Variants in RNF166 observed in about 807,000 individuals in gnomAD.
The protein encoded by RNF166 is ring finger protein 166, also known as E3 ubiquitin-protein ligase RNF166.
A neutral mutation model predicts 29.4 loss-of-function variants in RNF166; 19 were observed. The ratio of observed to expected loss-of-function variants is 0.65; its 90% CI spans 0.45 to 0.95. The LOEUF is 0.95. RNF166 is among the 40% of genes least tolerant of loss of function. The pLI, the probability that RNF166 is intolerant of heterozygous loss-of-function variation, is 0.00. For synonymous variants in RNF166, 171 were observed against 134.5 expected (o/e 1.27, Z -1.88); for missense variants, 347 against 322.1 (o/e 1.08, Z -0.59).
intron 1 of RNF166, 35 bp from the exon 2 acceptor site, chr16:88,701,453 C>G (rs2306048): frequency 0.58 from 883,349 of 1,511,892 alleles, 261,077 homozygotes; most frequent in Non-Finnish European, 0.61. Flanking sequence ...CCAGCCCGCC[C>G]CTCGGGTCTC....
intron 2 of RNF166, chr16:88,699,990 A>G (rs2142640469): frequency 6.2e-6 from 2 of 321,424 alleles, no homozygotes; most frequent in African/African-American, 2.2e-5. Context: ...AGCGGGAAAC[A>G]GGTAAGGAGA....
In RNF166 at chr16:88,699,131, G is replaced by A. The variant is rs190718096; in HGVS notation, c.426-46C>T. 1.6e-4 allele frequency: 201 copies of A among 1,294,838 alleles called. 1 individual carries two copies. The African/African-American group carries it at 2.5e-3, about 16-fold the overall frequency. 80.2% of individuals were successfully genotyped at this position (1,294,838 alleles called of 1,614,324 possible). On this transcript the variant is annotated intron_variant, in intron 3 of 5. Transcript: ENST00000312838. ...TGAGTGGCACGGCTAGGTGTCTAGGGGCTCTGCCTCCCCGCTTCTCTCAAA... is the reference window on the plus strand; with the variant it reads ...TGAGTGGCACGGCTAGGTGTCTAGGAGCTCTGCCTCCCCGCTTCTCTCAAA...
intron 1 of RNF166, chr16:88,703,224 G>A (rs1284741068): frequency 2.0e-6 from 2 of 975,932 alleles, no homozygotes; most frequent in Non-Finnish European, 2.4e-6. Context: ...TCTTTCTGGA[G>A]TGGGAAGAAT....
chr16:88,701,759 G>A (rs1322832694), intron 1 of RNF166: 4 of 278,596 alleles, frequency 1.4e-5, no homozygotes, highest in African/African-American at 8.8e-5. Flanking sequence ...CGTTCACGTG[G>A]CGACAACACC....
chr16:88,703,740 A>C (rs955729615), intron 1 of RNF166: 2 of 985,434 alleles, frequency 2.0e-6, no homozygotes, highest in Non-Finnish European at 2.4e-6. Context: ...AGCCTTACAA[A>C]GGGAGGGGCG....
chr16:88,697,803 G>A (rs1190787499), intron 5 of RNF166, 170 bp from the exon 6 acceptor site: 2 of 591,832 alleles, frequency 3.4e-6, no homozygotes, highest in East Asian at 5.8e-5. Context: ...CGGTCCTCTG[G>A]GGGGTGAGAA....
chr16:88,699,701 G>T lies in RNF166; in HGVS notation c.344C>A (p.Ser115Ter). 1 of 1,613,250 alleles carries T rather than the reference G, an allele frequency of 6.2e-7. No homozygotes were observed. The highest frequency in any genetic ancestry group is 1.3e-5 in the African/African-American group (1 of 75,058). Residue 115 changes from serine (S) to a stop codon, truncating the protein, a stop_gained, in exon 3 of 6, where the codon TCG becomes TAG. Transcript: ENST00000312838. LOFTEE classifies it high-confidence loss of function. ...VTLAKMRVHI[S>*]SCLKVQEQMA... Reference sequence around the variant, plus strand: ...CTGCTCCTGGACCTTCAGGCAGGACGAAATGTGCACTCTCATCTTTGCCAG... The same window carrying T: ...CTGCTCCTGGACCTTCAGGCAGGACTAAATGTGCACTCTCATCTTTGCCAG...
rs373944014 is a variant in RNF166, at chr16:88,699,781, G to A, written c.313-49C>T. 1.2e-4 allele frequency: 179 copies of A among 1,442,576 alleles called. 5 individuals are homozygous for A. Among genetic ancestry groups the A allele is most frequent in the South Asian group, 1.2e-3 (101 of 83,338 alleles). 89.4% of individuals were successfully genotyped at this position (1,442,576 alleles called of 1,614,324 possible). ...AAGGCGGTCCTGAGAATCTGGAAGG[G>A]CCGTCCTGGGGAGGCCGAGACCTCA... is the stretch of plus-strand genomic sequence containing the variant. On this transcript the variant is annotated intron_variant, in intron 2 of 5. Transcript: ENST00000312838.
At chr16:88,704,459 C>A in intron 1 of RNF166, 1 of 985,396 alleles carries the variant, frequency 1.0e-6, no homozygotes, top group Non-Finnish European at 1.2e-6. Context: ...TGTGGTTCTG[C>A]ATTCTGTGTT....
chr16:88,698,577 C>A lies in RNF166; in HGVS notation c.573G>T (p.Gly191=). The A allele has an allele frequency of 6.4e-7, 1 of 1,557,300 alleles. No homozygotes were observed. Among genetic ancestry groups the A allele is most frequent in the Non-Finnish European group, 8.7e-7 (1 of 1,150,076 alleles). ...VCPICSAMPW[G]DPSYKSANFL... is the part of the protein sequence containing the mutation. ...AGTTGGCGCTCTTGTAGCTGGGGTC[C>A]CCCCAGGGCATTGCCGAGCAGATGG... is the stretch of plus-strand genomic sequence containing the variant. The change falls in exon 5 of 6, where the codon GGG becomes GGT. Residue 191 remains glycine (G), a synonymous_variant. Coordinates refer to ENST00000312838, the MANE Select transcript of RNF166 (RefSeq NM_178841.4).
At chr16:88,701,876 G>A (rs1910275038) in intron 1 of RNF166, among the ~76,000 whole-genome samples, 1 of 152,250 alleles carries the variant, frequency 6.6e-6, no homozygotes, top group African/African-American at 2.4e-5. Flanking sequence ...GAAACGGCCA[G>A]GCCCCAGGGG....
In RNF166 at chr16:88,697,539, C is replaced by G; in HGVS notation, c.*29G>C. 6.5e-7 allele frequency: 1 copy of G among 1,532,062 alleles called. No homozygotes were observed. The highest frequency in any genetic ancestry group is 1.4e-5 in the African/African-American group (1 of 72,808). 94.9% of individuals were successfully genotyped at this position (1,532,062 alleles called of 1,614,324 possible). On this transcript the variant is annotated 3_prime_UTR_variant, in exon 6 of 6. Coordinates refer to ENST00000312838, the MANE Select transcript of RNF166 (RefSeq NM_178841.4). ...ACAGGAGCGGGGACATCCCTGACCC[C>G]AGACGCAGGCGGGTGGCTGCGCTTC...
At chr16:88,702,368 C>CTT (rs1217706111) in intron 1 of RNF166, among the ~76,000 whole-genome samples, 4 of 152,174 alleles carry the variant, frequency 2.6e-5, no homozygotes, top group Non-Finnish European at 4.4e-5. Context: ...GCTACAGCAC[C>CTT]CGGGGGTGTA....
chr16:88,703,208 T>C (rs1910442812), intron 1 of RNF166: 1 of 977,976 alleles, frequency 1.0e-6, no homozygotes, highest in African/African-American at 1.8e-5. Flanking sequence ...GGGAGAGTCC[T>C]GGGTTTCTTT....
At chr16:88,702,835 C>T in intron 1 of RNF166, 1 of 985,520 alleles carries the variant, frequency 1.0e-6, no homozygotes. Context: ...GGCACTGACC[C>T]CTGGATTTGA....
Position 88,698,602 on chromosome 16 carries a change from G to A in RNF166, c.548C>T (p.Pro183Leu). ...HRSDPNRVVCPICSAMPWGDP... is the reference protein window; with the variant it reads ...HRSDPNRVVCLICSAMPWGDP... ...CCCCCAGGGCATTGCCGAGCAGATG[G>A]GGCACACCTGGAACAGGCACTGGGG... The change falls in exon 5 of 6, where the codon CCC (proline) becomes CTC (leucine). Residue 183 changes from proline (P) to leucine (L), a missense_variant. Transcript: ENST00000312838. The A allele has an allele frequency of 6.6e-7, 1 of 1,524,794 alleles. No homozygotes were observed. Among genetic ancestry groups the A allele is most frequent in the South Asian group, 1.3e-5 (1 of 79,734 alleles). 94.5% of individuals were successfully genotyped at this position (1,524,794 alleles called of 1,614,324 possible). A position where few individuals can be genotyped will look rare whatever the true frequency, so the allele number is the denominator to read the frequency against.
rs1306749941 is a variant in RNF166, at chr16:88,698,957, C to T, written c.540+14G>A. ...CCCCTGGCGCAGGCGTCGCTTGGGG[C>T]AGGCACTGCTCACCACGCGGTTGGG... is the stretch of plus-strand genomic sequence containing the variant. On this transcript the variant is annotated intron_variant, in intron 4 of 5. Coordinates refer to ENST00000312838, the MANE Select transcript of RNF166 (RefSeq NM_178841.4). 2.6e-6 allele frequency: 4 copies of T among 1,555,916 alleles called. No individual in the cohort carries two copies. In the South Asian group the frequency reaches 4.6e-5, roughly 18 times the overall value.
chr16:88,699,612 G>A lies in RNF166; in HGVS notation c.425+8C>T, dbSNP rs755581808. ...CAGTTCCTCTCCCTTGCCCGGCAGC[G>A]TGCCTACCTGGGGATAGGCTGTGAT... On this transcript the variant is annotated splice_region_variant and intron_variant, in intron 3 of 5. Coordinates refer to ENST00000312838, the MANE Select transcript of RNF166 (RefSeq NM_178841.4). 29 of 1,599,804 alleles carry A rather than the reference G, an allele frequency of 1.8e-5. No individual in the cohort carries two copies. Among genetic ancestry groups the A allele is most frequent in the East Asian group, 4.5e-5 (2 of 44,752 alleles).
At chr16:88,701,617 G>A (rs1273370565) in intron 1 of RNF166, 199 bp from the exon 2 acceptor site, 2 of 562,048 alleles carry the variant, frequency 3.6e-6, no homozygotes, top group Admixed American at 3.6e-5. Flanking sequence ...GCTAAAGGGT[G>A]GCCCCGGTCC....
Sources: gnomAD v4.1 joint callset for allele counts (sites outside exome capture counted in the v4.1 genomes callset) on GRCh38, gnomAD v4.1.1 for gene constraint, MANE v1.5 for transcripts, NCBI Gene and HGNC (gene_info 2026-07-23, HGNC 2026-07-21) for gene names.